Variants in FAM53C observed in about 807,000 individuals in gnomAD.
The protein encoded by FAM53C is family with sequence similarity 53 member C.
Under a neutral mutation model 34.7 loss-of-function variants are expected in FAM53C, and 10 were observed. The ratio of observed to expected loss-of-function variants is 0.29; its 90% CI spans 0.18 to 0.49. The LOEUF is 0.49. Ranked by LOEUF, FAM53C falls within the 20% of genes least tolerant of loss-of-function variation. The pLI is 0.99. For missense variants in FAM53C, 442 were observed against 515.3 expected (o/e 0.86, Z 1.38); for synonymous variants, 203 against 203.6 (o/e 1.00, Z 0.03).
chr5:138,345,255 C>T lies in FAM53C; in HGVS notation c.567C>T (p.Tyr189=). The change falls in exon 4 of 5, where the codon TAC becomes TAT. Residue 189 remains tyrosine (Y), a synonymous_variant. Coordinates refer to ENST00000239906, the MANE Select transcript of FAM53C (RefSeq NM_016605.3). The surrounding 1 kb of genome is among the most constrained non-coding windows in gnomAD (Gnocchi z 6.3). ...SSQCAPAHRP[Y]SPPFFSLALA... is the part of the protein sequence containing the mutation. ...AATGTGCCCCAGCTCACAGACCCTA[C>T]AGCCCTCCTTTCTTCAGCCTGGCCC... 1.2e-6 allele frequency: 2 copies of T among 1,614,228 alleles called. No homozygotes were observed. Among genetic ancestry groups the T allele is most frequent in the Non-Finnish European group, 1.7e-6 (2 of 1,180,036 alleles).
Position 138,345,470 on chromosome 5 carries a change from G to A in FAM53C, c.782G>A (p.Arg261Gln), listed in dbSNP as rs535078590. 11 of 1,613,986 alleles carry A rather than the reference G, an allele frequency of 6.8e-6. No individual in the cohort carries two copies. In the Admixed American group the frequency reaches 8.3e-5, roughly 12 times the overall value. The change falls in exon 4 of 5, where the codon CGA becomes CAA. Residue 261 changes from arginine (R) to glutamine (Q), a missense_variant. Arg to Gln is a conservative substitution (Grantham distance 43). Transcript: ENST00000239906. This position sits in a 1 kb window ranked among gnomAD's most constrained non-coding sequence, Gnocchi z 6.3. ...GCATCCTCCCCAGAGCTGCCCTGGC[G>A]ACCTCGAGGTCTCCGCAACCTTCCC... Reference protein sequence around the residue: ...SPASSPELPWRPRGLRNLPRS... With the variant: ...SPASSPELPWQPRGLRNLPRS...
Position 138,345,547 on chromosome 5 carries a change from C to T in FAM53C, c.859C>T (p.Arg287Trp), listed in dbSNP as rs756457496. ...DLDARKTGVKRRHEEDPRRLR... is the reference protein window; with the variant it reads ...DLDARKTGVKWRHEEDPRRLR... ...GGATGCCCGCAAAACTGGGGTCAAGCGGCGCCACGAGGAAGACCCCCGGCG... is the reference window on the plus strand; with the variant it reads ...GGATGCCCGCAAAACTGGGGTCAAGTGGCGCCACGAGGAAGACCCCCGGCG... The change falls in exon 4 of 5, where the codon CGG (arginine) becomes TGG (tryptophan). Residue 287 changes from arginine (R) to tryptophan (W), a missense_variant. Transcript: ENST00000239906. This position sits in a 1 kb window ranked among gnomAD's most constrained non-coding sequence, Gnocchi z 6.3. 6 of 1,613,846 alleles carry T rather than the reference C, an allele frequency of 3.7e-6. No homozygotes were observed. The highest frequency in any genetic ancestry group is 4.2e-6 in the Non-Finnish European group (5 of 1,180,056).
chr5:138,343,424 C>T lies in FAM53C; in HGVS notation c.137-1401C>T, dbSNP rs145857258. On this transcript the variant is annotated intron_variant, in intron 3 of 4. Coordinates refer to ENST00000239906, the MANE Select transcript of FAM53C (RefSeq NM_016605.3). ...ACTCAGGAGGCTGAGGCAGGAGAAT[C>T]CCTGGAATCCAGGAGGCGGAGGTTG... Among the ~76,000 whole-genome samples the T allele has an allele frequency of 8.5e-3, 1,298 of 151,964 alleles. 19 individuals are homozygous for T. Among genetic ancestry groups the T allele is most frequent in the African/African-American group, 0.029 (1,212 of 41,450 alleles).
chr5:138,341,521 T>A, intron 2 of FAM53C, 108 bp downstream of exon 2: 2 of 1,104,416 alleles, frequency 1.8e-6, no homozygotes, highest in Non-Finnish European at 2.8e-6. Flanking sequence ...TCATGGTACT[T>A]AACCTGGAAG....
intron 2 of FAM53C, 56 bp from the exon 3 acceptor site, chr5:138,341,753 G>A: frequency 6.5e-7 from 1 of 1,527,182 alleles, no homozygotes; most frequent in Non-Finnish European, 9.1e-7. Flanking sequence ...GGGCTTCCTA[G>A]AAATCTGTCA....
intron 4 of FAM53C, among the ~76,000 whole-genome samples, 156 bp from the exon 5 acceptor site, chr5:138,346,546 C>T (rs1761181017): frequency 1.3e-5 from 2 of 152,168 alleles, no homozygotes; most frequent in Non-Finnish European, 2.9e-5. Flanking sequence ...ATGGCGTGAA[C>T]CCGGGAGGCA....
rs1761253910 is a variant in FAM53C at position 138,349,011 on chromosome 5, G to C, written c.*2052G>C. 6.6e-6 allele frequency: 1 copy of C among 152,248 alleles called. No homozygotes were observed. 9.4% of individuals were successfully genotyped at this position (152,248 alleles called of 1,614,324 possible). A position where few individuals can be genotyped will look rare whatever the true frequency, so the allele number is the denominator to read the frequency against. On this transcript the variant is annotated 3_prime_UTR_variant, in exon 5 of 5. Transcript: ENST00000239906. Reference sequence around the variant, plus strand: ...GAGGCAGTGATTCTGCCTCCATCCTGGTTTCCCCAAAGCCCCAGGGCACCA... The same window carrying C: ...GAGGCAGTGATTCTGCCTCCATCCTCGTTTCCCCAAAGCCCCAGGGCACCA...
At position 138,345,200 on chromosome 5, in the gene FAM53C, G is replaced by A. The variant is rs1202785455; in HGVS notation, c.512G>A (p.Arg171Lys). Reference sequence around the variant, plus strand: ...CCCCCAAAGCGGGTCTCCAGCCTCAGGTTCCTCCAAGCTCCCAGTGCCTCT... The same window carrying A: ...CCCCCAAAGCGGGTCTCCAGCCTCAAGTTCCTCCAAGCTCCCAGTGCCTCT... ...QSPPKRVSSL[R>K]FLQAPSASSQ... Residue 171 changes from arginine to lysine, a missense_variant, in exon 4 of 5, where the codon AGG becomes AAG. Arg to Lys is a conservative substitution (Grantham distance 26). Coordinates refer to ENST00000239906, the MANE Select transcript of FAM53C (RefSeq NM_016605.3). This position sits in a 1 kb window ranked among gnomAD's most constrained non-coding sequence, Gnocchi z 6.3. 1 of 1,614,100 alleles carries A rather than the reference G, an allele frequency of 6.2e-7. No individual in the cohort carries two copies. Among genetic ancestry groups the A allele is most frequent in the African/African-American group, 1.3e-5 (1 of 74,932 alleles).
intron 1 of FAM53C, among the ~76,000 whole-genome samples, chr5:138,340,029 A>G (rs1002919143): frequency 2.0e-5 from 3 of 152,188 alleles, no homozygotes; most frequent in Admixed American, 6.6e-5. Context: ...TGCCTTCTTC[A>G]TCTTATTGAT....
rs1329134851 is a variant in FAM53C at position 138,341,257 on chromosome 5, C to A, written c.-79C>A. 1.6e-6 allele frequency: 2 copies of A among 1,232,174 alleles called. No individual in the cohort carries two copies. The highest frequency in any genetic ancestry group is 2.3e-5 in the East Asian group (1 of 43,076). The allele number at this position is 1,232,174 out of a possible 1,614,324, so 76.3% of individuals were successfully genotyped here. On this transcript the variant is annotated 5_prime_UTR_variant, in exon 2 of 5. Transcript: ENST00000239906. ...TGCTGCAGTGGCAGAAGACGGCTCACAAGTGAGGTCTGGAAGAACAACAGG... is the reference window on the plus strand; with the variant it reads ...TGCTGCAGTGGCAGAAGACGGCTCAAAAGTGAGGTCTGGAAGAACAACAGG...
At chr5:138,338,162 C>G, upstream of FAM53C, 2 of 1,289,684 alleles carry the variant, frequency 1.6e-6, no homozygotes, top group Non-Finnish European at 2.0e-6. Flanking sequence ...CCATGGGTGG[C>G]TTGGGGGGAT....
chr5:138,345,399 G>T lies in FAM53C; in HGVS notation c.711G>T (p.Leu237=). 1 of 1,613,986 alleles carries T rather than the reference G, an allele frequency of 6.2e-7. No individual in the cohort carries two copies. Among genetic ancestry groups the T allele is most frequent in the South Asian group, 1.1e-5 (1 of 91,080 alleles). The change falls in exon 4 of 5, where the codon CTG becomes CTT. Residue 237 remains leucine, a synonymous_variant. Transcript: ENST00000239906. This position sits in a 1 kb window ranked among gnomAD's most constrained non-coding sequence, Gnocchi z 6.3. ...GCCGCTTCTCCCTGTCACCCAGTCT[G>T]GGCCCGCAGGCAAGCCGCTTCTTGC... ...PQRRFSLSPS[L]GPQASRFLPS... is the part of the protein sequence containing the mutation.
In FAM53C at chr5:138,338,302, A is replaced by C. The variant is rs903821240; in HGVS notation, c.-158A>C. On this transcript the variant is annotated 5_prime_UTR_variant, in exon 1 of 5. Transcript: ENST00000239906. ...GGCCGCGGCCCTGGGAGCTGGAGGA[A>C]CCGCGGTAGGTGGTGGAGGGCAGGT... 1.8e-5 allele frequency: 11 copies of C among 617,570 alleles called. No homozygotes were observed. Among genetic ancestry groups the C allele is most frequent in the Non-Finnish European group, 2.9e-5 (11 of 378,166 alleles). The allele number at this position is 617,570 out of a possible 1,614,324, so 38.3% of individuals were successfully genotyped here.
At chr5:138,340,374 C>T (rs1169009270) in intron 1 of FAM53C, among the ~76,000 whole-genome samples, 4 of 152,322 alleles carry the variant, frequency 2.6e-5, no homozygotes, top group African/African-American at 4.8e-5. Flanking sequence ...AGAACAAAAT[C>T]AAGACACTGG....
rs1225856334 is a variant in FAM53C, at chr5:138,345,100, C to T, written c.412C>T (p.Pro138Ser). Reference sequence around the variant, plus strand: ...CTGGCAGCCGGTGTGGCGGCCCGCCCCCTCCAAGCTGTGGACTCCCATAAA... The same window carrying T: ...CTGGCAGCCGGTGTGGCGGCCCGCCTCCTCCAAGCTGTGGACTCCCATAAA... ...SRWQPVWRPA[P>S]SKLWTPIKHR... The change falls in exon 4 of 5, where the codon CCC becomes TCC. Residue 138 changes from proline (P) to serine (S), a missense_variant. By Grantham distance (74) the Pro-to-Ser change is moderately conservative (BLOSUM62 -1). Coordinates refer to ENST00000239906, the MANE Select transcript of FAM53C (RefSeq NM_016605.3). The surrounding 1 kb of genome is among the most constrained non-coding windows in gnomAD (Gnocchi z 6.3). 2 of 1,613,994 alleles carry T rather than the reference C, an allele frequency of 1.2e-6. No individual in the cohort carries two copies. Among genetic ancestry groups the T allele is most frequent in the Non-Finnish European group, 1.7e-6 (2 of 1,179,894 alleles).
Position 138,338,289 on chromosome 5 carries a change from GGGAGCT to G in FAM53C, c.-166_-161del. On this transcript the variant is annotated 5_prime_UTR_variant, in exon 1 of 5. Coordinates refer to ENST00000239906, the MANE Select transcript of FAM53C (RefSeq NM_016605.3). ...TCAGAGCTGCTCCGGCCGCGGCCCT[GGGAGCT>G]GGAGGAACCGCGGTAGGTGGTGGAG... 1 of 752,058 alleles carries G rather than the reference GGGAGCT, an allele frequency of 1.3e-6. No homozygotes were observed. Among genetic ancestry groups the G allele is most frequent in the Non-Finnish European group, 2.0e-6 (1 of 499,736 alleles). The allele number at this position is 752,058 out of a possible 1,614,324, so 46.6% of individuals were successfully genotyped here.
chr5:138,338,572 T>G, intron 1 of FAM53C, among the ~76,000 whole-genome samples: 1 of 144,690 alleles, frequency 6.9e-6, no homozygotes. Context: ...ACAGCCCCCC[T>G]GAGCGAGCCC....
intron 4 of FAM53C, among the ~76,000 whole-genome samples, chr5:138,346,452 C>T (rs1016958458): frequency 6.6e-6 from 1 of 152,150 alleles, no homozygotes; most frequent in Non-Finnish European, 1.5e-5. Context: ...GGTGAAACCT[C>T]GTCTCTACTA....
upstream of FAM53C, chr5:138,337,813 C>T (rs1353134123): frequency 4.3e-6 from 2 of 466,164 alleles, no homozygotes; most frequent in Non-Finnish European, 3.7e-6. Flanking sequence ...AGGGGGATTC[C>T]TTCGAAGAGG....
Sources: gnomAD v4.1 joint callset for allele counts (sites outside exome capture counted in the v4.1 genomes callset) on GRCh38, gnomAD v4.1.1 for gene constraint, Gnocchi (gnomAD v3.1) non-coding constraint, MANE v1.5 for transcripts, NCBI Gene and HGNC (gene_info 2026-07-23, HGNC 2026-07-21) for gene names.